Variants in MIDEAS observed in about 807,000 individuals in gnomAD.
MIDEAS encodes mitotic deacetylase-associated SANT domain protein.
Under a neutral mutation model 102.7 loss-of-function variants are expected in MIDEAS, and 26 were observed. That is an observed-to-expected ratio of 0.25 (90% CI 0.19 to 0.35). MIDEAS has a LOEUF of 0.35. MIDEAS is among the 10% of genes least tolerant of loss of function. The probability of loss-of-function intolerance (pLI) is 1.00; values close to 1 mark genes in which losing one functional copy is unlikely to be tolerated. For missense variants in MIDEAS, 1,231 were observed against 1,435.6 expected (o/e 0.86, Z 2.30); for synonymous variants, 585 against 591.0 (o/e 0.99, Z 0.15).
rs2052885321 is a variant in MIDEAS, at chr14:73,716,163, T to C, written c.*2680A>G. ...GAAAGCACCATTAAGGATATACCTA[T>C]GCCAGCTTCTATAGCTGCACCTGCT... On this transcript the variant is annotated 3_prime_UTR_variant, in exon 13 of 13. Transcript: ENST00000423556. 1 of 152,598 alleles carries C rather than the reference T, an allele frequency of 6.6e-6. No homozygotes were observed. The highest frequency in any genetic ancestry group is 2.4e-5 in the African/African-American group (1 of 41,434). 9.5% of individuals were successfully genotyped at this position (152,598 alleles called of 1,614,324 possible).
At chr14:73,736,920 G>T in intron 3 of MIDEAS, 78 bp downstream of exon 3, 2 of 1,417,286 alleles carry the variant, frequency 1.4e-6, no homozygotes, top group South Asian at 2.6e-5. Flanking sequence ...ACATTGCCAT[G>T]TTCTCCTTTC....
Position 73,739,934 on chromosome 14 carries a change from G to T in MIDEAS, c.75C>A (p.Pro25=). 6.6e-7 allele frequency: 1 copy of T among 1,522,036 alleles called. No homozygotes were observed. Among genetic ancestry groups the T allele is most frequent in the South Asian group, 1.3e-5 (1 of 76,044 alleles). The allele number at this position is 1,522,036 out of a possible 1,614,324, so 94.3% of individuals were successfully genotyped here. ...GCTGCAGGGGAGGGGGCTGCTCCTT[G>T]GGAGCTGGTTCCTGGCCCCCGAAGA... is the stretch of plus-strand genomic sequence containing the variant. The part of the protein sequence containing the change: ...RCLFGGQEPA[P]KEQPPPLQPP... Residue 25 remains proline, a synonymous_variant, in exon 2 of 13, where the codon CCC becomes CCA. Coordinates refer to ENST00000423556, the MANE Select transcript of MIDEAS (RefSeq NM_001367710.1).
chr14:73,765,544 C>T (rs1021386676), intron 1 of MIDEAS, among the ~76,000 whole-genome samples: 2 of 152,190 alleles, frequency 1.3e-5, no homozygotes, highest in Non-Finnish European at 2.9e-5. Flanking sequence ...GATCACACCT[C>T]TCTTCAGTAG....
At chr14:73,773,389 G>C (rs895802232) in intron 1 of MIDEAS, among the ~76,000 whole-genome samples, 3 of 151,844 alleles carry the variant, frequency 2.0e-5, no homozygotes, top group Non-Finnish European at 4.4e-5. Context: ...TAGGAAGGTA[G>C]AGGCTGGGAT....
At chr14:73,734,038 G>A (rs1331064010) in intron 3 of MIDEAS, among the ~76,000 whole-genome samples, 2 of 151,710 alleles carry the variant, frequency 1.3e-5, no homozygotes, top group Non-Finnish European at 2.9e-5. Context: ...AGGCTGGAGT[G>A]CAGTGGCATG....
At chr14:73,744,685 C>T (rs1249032867) in intron 1 of MIDEAS, among the ~76,000 whole-genome samples, 1 of 149,862 alleles carries the variant, frequency 6.7e-6, no homozygotes, top group African/African-American at 2.5e-5. Flanking sequence ...CAGACCTTGG[C>T]TCCTGCCACC....
chr14:73,718,806 G>C lies in MIDEAS; in HGVS notation c.*37C>G. The stretch of plus-strand genomic sequence containing the variant: ...GGGCGCTGGCGGCGGTGCGGGAAGG[G>C]CCGAGGCCCAGGACTGGGCCAGCCT... On this transcript the variant is annotated 3_prime_UTR_variant, in exon 13 of 13. Transcript: ENST00000423556. 7 of 1,376,258 alleles carry C rather than the reference G, an allele frequency of 5.1e-6. No homozygotes were observed. Among genetic ancestry groups the C allele is most frequent in the Non-Finnish European group, 6.5e-6 (7 of 1,072,106 alleles). The allele number at this position is 1,376,258 out of a possible 1,614,324, so 85.3% of individuals were successfully genotyped here.
chr14:73,756,890 G>A (rs569672194), intron 1 of MIDEAS, among the ~76,000 whole-genome samples: 1 of 152,322 alleles, frequency 6.6e-6, no homozygotes, highest in Non-Finnish European at 1.5e-5. Context: ...TGCAATCTGA[G>A]GAGGTTCCAG....
At chr14:73,733,717 C>A (rs986597481) in intron 3 of MIDEAS, among the ~76,000 whole-genome samples, 6 of 152,170 alleles carry the variant, frequency 3.9e-5, no homozygotes, top group African/African-American at 9.7e-5. Context: ...TTGTTTGAGA[C>A]GAAGTCTCAC....
In MIDEAS at chr14:73,720,539, G is replaced by A. The variant is rs553938576; in HGVS notation, c.2937+758C>T. Among the ~76,000 whole-genome samples, 23 of 152,072 alleles carry A rather than the reference G, an allele frequency of 1.5e-4. No individual in the cohort carries two copies. In the South Asian group the frequency reaches 3.5e-3, roughly 23 times the overall value. On this transcript the variant is annotated intron_variant, in intron 11 of 12. Coordinates refer to ENST00000423556, the MANE Select transcript of MIDEAS (RefSeq NM_001367710.1). ...TGGGATTACAGGTGTGAGCCACTGC[G>A]CCCGGCCTACTACATACATTTCTAA...
chr14:73,727,335 A>G, intron 5 of MIDEAS, 123 bp downstream of exon 5: 1 of 1,014,476 alleles, frequency 9.9e-7, no homozygotes, highest in Non-Finnish European at 1.5e-6. Context: ...CAGAAGCTCA[A>G]GGAGGCCCTC....
intron 10 of MIDEAS, chr14:73,721,772 A>C: frequency 2.3e-6 from 1 of 431,852 alleles, no homozygotes; most frequent in African/African-American, 2.0e-5. Context: ...ATTGCCACCC[A>C]TCCTCCTGGA....
At position 73,719,087 on chromosome 14, in the gene MIDEAS, C is replaced by T. The variant is rs572728696; in HGVS notation, c.3135-79G>A. On this transcript the variant is annotated intron_variant, in intron 12 of 12. Coordinates refer to ENST00000423556, the MANE Select transcript of MIDEAS (RefSeq NM_001367710.1). ...AGCGCGGGTGCGCGAGGAGCCCCAGCCTTCACCTTCACCCCCACGCTGCAC... is the reference window on the plus strand; with the variant it reads ...AGCGCGGGTGCGCGAGGAGCCCCAGTCTTCACCTTCACCCCCACGCTGCAC... 8.4e-5 allele frequency: 121 copies of T among 1,449,082 alleles called. 2 individuals carry two copies. The South Asian group carries it at 1.6e-3, about 19-fold the overall frequency. 89.8% of individuals were successfully genotyped at this position (1,449,082 alleles called of 1,614,324 possible). A position where few individuals can be genotyped will look rare whatever the true frequency, so the allele number is the denominator to read the frequency against.
At chr14:73,756,176 G>A (rs1396818488) in intron 1 of MIDEAS, among the ~76,000 whole-genome samples, 1 of 152,092 alleles carries the variant, frequency 6.6e-6, no homozygotes, top group Non-Finnish European at 1.5e-5. Flanking sequence ...GCAGAAGTCG[G>A]TGTGGATGAA....
chr14:73,727,647 A>G, intron 4 of MIDEAS, 123 bp from the exon 5 acceptor site: 1 of 906,998 alleles, frequency 1.1e-6, no homozygotes, highest in Non-Finnish European at 1.6e-6. Flanking sequence ...CGCAGGGAAC[A>G]CAGGCACCTG....
intron 1 of MIDEAS, among the ~76,000 whole-genome samples, chr14:73,773,806 T>A (rs1371354345): frequency 6.6e-6 from 1 of 151,680 alleles, no homozygotes; most frequent in African/African-American, 2.4e-5. Flanking sequence ...GTGGATCACT[T>A]GAGGTCACGA....
At chr14:73,769,612 T>C (rs954334565) in intron 1 of MIDEAS, among the ~76,000 whole-genome samples, 5 of 151,946 alleles carry the variant, frequency 3.3e-5, no homozygotes, top group South Asian at 2.1e-4. Flanking sequence ...TTGTTTTGTT[T>C]TGTTTTTGAG....
intron 1 of MIDEAS, among the ~76,000 whole-genome samples, chr14:73,748,907 C>A (rs2140139362): frequency 6.6e-6 from 1 of 152,136 alleles, no homozygotes; most frequent in African/African-American, 2.4e-5. Context: ...TACCTAACAA[C>A]AGAGCCCCAA....
intron 1 of MIDEAS, among the ~76,000 whole-genome samples, chr14:73,746,539 G>T (rs952213202): frequency 4.6e-5 from 7 of 152,252 alleles, no homozygotes; most frequent in Admixed American, 2.6e-4. Context: ...GGGACCGCTG[G>T]GGTCCTTGCT....
Sources: allele counts gnomAD v4.1 joint callset (sites outside exome capture counted in the v4.1 genomes callset), GRCh38; gene constraint gnomAD v4.1.1; transcripts MANE v1.5; gene names NCBI Gene and HGNC (gene_info 2026-07-23, HGNC 2026-07-21).